PTTG1IP2: variants seen among roughly 807,000 people sequenced by gnomAD.
PTTG1IP2 encodes the protein PTTG1IP family member 2.
intron 6 of PTTG1IP2, among the ~76,000 whole-genome samples, chr7:90,506,984 C>T (rs370139645): frequency 1.3e-5 from 2 of 152,198 alleles, no homozygotes; most frequent in South Asian, 2.1e-4. Flanking sequence ...TAACAATGAC[C>T]AGTACAGAAT....
At position 90,474,441 on chromosome 7, in the gene PTTG1IP2, C is replaced by G. The variant is rs1797724591; in HGVS notation, c.145+4510C>G. ...ATTCAGATCAGACCAATGGAGAAAG[C>G]CACAGCCTAAAACACACATAAGAGA... On this transcript the variant is annotated intron_variant, in intron 1 of 6. Transcript: ENST00000509356. Among the ~76,000 whole-genome samples the G allele has an allele frequency of 2.0e-5, 3 of 152,168 alleles. No individual in the cohort carries two copies. In the South Asian group the frequency reaches 6.2e-4, roughly 32 times the overall value.
intron 2 of PTTG1IP2, among the ~76,000 whole-genome samples, chr7:90,482,097 A>T (rs1797820686): frequency 6.6e-6 from 1 of 152,148 alleles, no homozygotes; most frequent in Non-Finnish European, 1.5e-5. Context: ...TTGGAGAAAG[A>T]TCCCCTGCCC....
At chr7:90,485,696 G>A (rs986906564) in intron 2 of PTTG1IP2, among the ~76,000 whole-genome samples, 1 of 152,202 alleles carries the variant, frequency 6.6e-6, no homozygotes, top group Non-Finnish European at 1.5e-5. Context: ...AGGCATAGGG[G>A]AGATTGTCTC....
At chr7:90,499,038 G>C (rs1011698856) in intron 6 of PTTG1IP2, among the ~76,000 whole-genome samples, 1 of 152,050 alleles carries the variant, frequency 6.6e-6, no homozygotes, top group Admixed American at 6.5e-5. Flanking sequence ...TTTTTGTAGA[G>C]ATGGGATTTC....
chr7:90,499,585 A>T (rs1242112159), intron 6 of PTTG1IP2, among the ~76,000 whole-genome samples: 1 of 151,872 alleles, frequency 6.6e-6, no homozygotes, highest in East Asian at 1.9e-4. Flanking sequence ...TTTTTTTATT[A>T]TTATTTTTAT....
chr7:90,487,090 G>A (rs1003425453), intron 2 of PTTG1IP2, among the ~76,000 whole-genome samples: 10 of 152,158 alleles, frequency 6.6e-5, no homozygotes, highest in Admixed American at 1.3e-4. Context: ...GGTCCCTATC[G>A]TCGTCCAAGA....
intron 2 of PTTG1IP2, among the ~76,000 whole-genome samples, chr7:90,486,935 C>T (rs1797881613): frequency 6.6e-6 from 1 of 152,150 alleles, no homozygotes; most frequent in Non-Finnish European, 1.5e-5. Context: ...CTAAATCTCA[C>T]TCTTGGCCTG....
chr7:90,503,510 G>A (rs1351758305), intron 6 of PTTG1IP2, among the ~76,000 whole-genome samples: 1 of 152,130 alleles, frequency 6.6e-6, no homozygotes, highest in African/African-American at 2.4e-5. Flanking sequence ...ATCATTTCTA[G>A]CTTTTGATTG....
At chr7:90,485,111 G>A (rs545750992) in intron 2 of PTTG1IP2, among the ~76,000 whole-genome samples, 1 of 152,154 alleles carries the variant, frequency 6.6e-6, no homozygotes, top group Non-Finnish European at 1.5e-5. Context: ...GACCACACAG[G>A]GCTTGGGGAA....
At chr7:90,473,008 A>G (rs557646976) in intron 1 of PTTG1IP2, among the ~76,000 whole-genome samples, 1 of 152,320 alleles carries the variant, frequency 6.6e-6, no homozygotes, top group African/African-American at 2.4e-5. Context: ...GGAATCTGAA[A>G]ATATTAGGAA....
chr7:90,472,320 ACC>A (rs60699800), intron 1 of PTTG1IP2, among the ~76,000 whole-genome samples: 3 of 101,742 alleles, frequency 2.9e-5, no homozygotes, highest in African/African-American at 7.3e-5. Flanking sequence ...ACACACACAC[ACC>A]CCAAATAATC....
At chr7:90,483,879 T>G (rs1797839774) in intron 2 of PTTG1IP2, among the ~76,000 whole-genome samples, 1 of 152,170 alleles carries the variant, frequency 6.6e-6, no homozygotes, top group South Asian at 2.1e-4. Flanking sequence ...AGCACATTTC[T>G]TCACACTGTG....
At position 90,513,378 on chromosome 7, in the gene PTTG1IP2, C is replaced by T. The variant is rs540253294; in HGVS notation, c.*151C>T. 1.3e-4 allele frequency: 20 copies of T among 152,370 alleles called. No individual in the cohort carries two copies. The highest frequency in any genetic ancestry group is 2.5e-4 in the Non-Finnish European group (17 of 67,990). 9.4% of individuals were successfully genotyped at this position (152,370 alleles called of 1,614,324 possible). A position where few individuals can be genotyped will look rare whatever the true frequency, so the allele number is the denominator to read the frequency against. ...TTTTAAATTCTATTAAACATTTTTT[C>T]GAGTATTTCATTACTTTTACATTAT... On this transcript the variant is annotated 3_prime_UTR_variant, in exon 7 of 7. Transcript: ENST00000509356.
At chr7:90,494,452 C>T (rs545897831) in intron 6 of PTTG1IP2, 22 bp downstream of exon 6, 6 of 152,260 alleles carry the variant, frequency 3.9e-5, no homozygotes, top group South Asian at 4.1e-4. Context: ...AATTATATTG[C>T]GTGAATTTTC....
At chr7:90,506,540 A>G (rs993121692) in intron 6 of PTTG1IP2, among the ~76,000 whole-genome samples, 1 of 152,162 alleles carries the variant, frequency 6.6e-6, no homozygotes, top group Non-Finnish European at 1.5e-5. Context: ...ACAAGGGAGG[A>G]CTACTTGAGC....
At chr7:90,474,318 T>C (rs1562983021) in intron 1 of PTTG1IP2, among the ~76,000 whole-genome samples, 1 of 152,220 alleles carries the variant, frequency 6.6e-6, no homozygotes, top group Non-Finnish European at 1.5e-5. Flanking sequence ...GATATAGTTA[T>C]GCAGCACATG....
intron 1 of PTTG1IP2, among the ~76,000 whole-genome samples, chr7:90,475,586 G>A (rs951492336): frequency 3.9e-5 from 6 of 152,156 alleles, no homozygotes; most frequent in Admixed American, 2.6e-4. Context: ...AGAGACAAGA[G>A]TTCATGCCAA....
Position 90,498,549 on chromosome 7 carries a change from G to A in PTTG1IP2, c.*50+4119G>A, listed in dbSNP as rs1369928963. 3.9e-5 allele frequency among the ~76,000 whole-genome samples: 6 copies of A among 152,118 alleles called. No homozygotes were observed. In the East Asian group the frequency reaches 1.2e-3, roughly 29 times the overall value. On this transcript the variant is annotated intron_variant, in intron 6 of 6. Transcript: ENST00000509356. ...TTATATCAAACAAAATAGACTTTAA[G>A]TCCAAAACTATAAAAAGAGACAAAG...
At chr7:90,511,385 C>A (rs1798188670) in intron 6 of PTTG1IP2, among the ~76,000 whole-genome samples, 1 of 152,142 alleles carries the variant, frequency 6.6e-6, no homozygotes, top group Non-Finnish European at 1.5e-5. Flanking sequence ...TTAGCCATGG[C>A]TGAATTCCTT....
Sources: gnomAD v4.1 joint callset for allele counts (sites outside exome capture counted in the v4.1 genomes callset) on GRCh38, gnomAD v4.1.1 for gene constraint, MANE v1.5 for transcripts, NCBI Gene and HGNC (gene_info 2026-07-23, HGNC 2026-07-21) for gene names.